The following YAP1 variants were observed in gnomAD, a reference collection of about 807,000 sequenced individuals.
YAP1 encodes the protein transcriptional coactivator YAP1.
In YAP1, 5 loss-of-function variants were observed where a neutral mutation model predicts 56.9. That is an observed-to-expected ratio of 0.09 (90% CI 0.05 to 0.18). The LOEUF is 0.18. YAP1 is among the 10% of genes least tolerant of loss of function. The probability of loss-of-function intolerance (pLI) is 1.00; values close to 1 mark genes in which losing one functional copy is unlikely to be tolerated. For synonymous variants in YAP1, 265 were observed against 248.1 expected (o/e 1.07, Z -0.64); for missense variants, 539 against 651.8 (o/e 0.83, Z 1.88).
chr11:102,138,729 T>G (rs1374650652), intron 2 of YAP1, among the ~76,000 whole-genome samples: 1 of 152,238 alleles, frequency 6.6e-6, no homozygotes, highest in African/African-American at 2.4e-5. Flanking sequence ...TTATTTGCTC[T>G]TCATTGAATG....
At position 102,162,555 on chromosome 11, in the gene YAP1, G is replaced by C; in HGVS notation, c.672G>C (p.Met224Ile). Residue 224 changes from methionine to isoleucine, a missense_variant, in exon 3 of 9, where the codon ATG becomes ATC. Met to Ile is a conservative substitution (Grantham distance 10, BLOSUM62 1). Around this residue, in one of 4 missense-constraint regions of YAP1, gnomAD observed 414 missense variants for 512.4 expected, o/e 0.81. Coordinates refer to ENST00000282441, the MANE Select transcript of YAP1 (RefSeq NM_001130145.3). Reference protein sequence around the residue: ...APTSPPVQQNMMNSASGPLPD... With the variant: ...APTSPPVQQNIMNSASGPLPD... ...CCAGTCCACCAGTGCAGCAGAATAT[G>C]ATGAACTCGGCTTCAGGTGAGTGAG... The C allele has an allele frequency of 6.2e-7, 1 of 1,614,186 alleles. No homozygotes were observed. Among genetic ancestry groups the C allele is most frequent in the Non-Finnish European group, 8.5e-7 (1 of 1,180,026 alleles).
chr11:102,149,906 T>C (rs545896910), intron 2 of YAP1, among the ~76,000 whole-genome samples: 10 of 150,062 alleles, frequency 6.7e-5, no homozygotes, highest in Non-Finnish European at 1.5e-4. Flanking sequence ...TATGAAGAAA[T>C]ATAGATTACT....
chr11:102,137,078 A>G (rs531315969), intron 2 of YAP1, among the ~76,000 whole-genome samples: 1 of 152,330 alleles, frequency 6.6e-6, no homozygotes, highest in East Asian at 1.9e-4. Flanking sequence ...TAAGTCTTCT[A>G]GTCTATGACA....
rs1207615072 is a variant in YAP1 at position 102,231,474 on chromosome 11, A to G, written c.*1534A>G. On this transcript the variant is annotated 3_prime_UTR_variant, in exon 9 of 9. Transcript: ENST00000282441. ...AGGTTTTGAGTTAGCTGGAAAAGTG[A>G]TCAGATTAATAAATGTATATTGGTA... is the stretch of plus-strand genomic sequence containing the variant. The G allele has an allele frequency of 6.6e-6, 1 of 152,620 alleles. No homozygotes were observed. 9.5% of individuals were successfully genotyped at this position (152,620 alleles called of 1,614,324 possible). A position where few individuals can be genotyped will look rare whatever the true frequency, so the allele number is the denominator to read the frequency against.
chr11:102,181,400 T>C (rs563426077), intron 3 of YAP1, among the ~76,000 whole-genome samples: 5 of 152,094 alleles, frequency 3.3e-5, no homozygotes, highest in South Asian at 2.1e-4. Context: ...GAGCCGAGAT[T>C]GCGCCACTGC....
chr11:102,197,337 G>A (rs1702662040), intron 4 of YAP1, among the ~76,000 whole-genome samples: 1 of 152,172 alleles, frequency 6.6e-6, no homozygotes, highest in Non-Finnish European at 1.5e-5. Context: ...TATTGTAAAT[G>A]TATACCCAGT....
chr11:102,207,313 A>C (rs983026540), intron 5 of YAP1, among the ~76,000 whole-genome samples: 11 of 151,906 alleles, frequency 7.2e-5, no homozygotes, highest in African/African-American at 2.7e-4. Context: ...TTCCAGAGAT[A>C]CTCTGTTTAC....
intron 7 of YAP1, 126 bp downstream of exon 7, chr11:102,223,878 C>T (rs1375211045): frequency 7.9e-7 from 1 of 1,265,962 alleles, no homozygotes; most frequent in Non-Finnish European, 1.1e-6. Flanking sequence ...GTAAATGAAT[C>T]TCTCTGTAAA....
intron 2 of YAP1, among the ~76,000 whole-genome samples, chr11:102,114,676 G>A (rs75688920): frequency 0.026 from 4,013 of 152,192 alleles, 171 homozygotes; most frequent in African/African-American, 0.092. Flanking sequence ...TTTTGAGCTT[G>A]TGCCAAACCT....
chr11:102,110,679 G>C lies in YAP1; in HGVS notation c.-170G>C. On this transcript the variant is annotated 5_prime_UTR_variant, in exon 1 of 9. Transcript: ENST00000282441. Reference sequence around the variant, plus strand: ...GCGCAGGGCGGGGGCGGAGGCGCCGGGGCGGGGGATGCGGGGCCGCGGCGC... The same window carrying C: ...GCGCAGGGCGGGGGCGGAGGCGCCGCGGCGGGGGATGCGGGGCCGCGGCGC... The C allele has an allele frequency of 2.2e-6, 1 of 460,662 alleles. No homozygotes were observed. The highest frequency in any genetic ancestry group is 3.1e-6 in the Non-Finnish European group (1 of 318,322). The allele number at this position is 460,662 out of a possible 1,614,324, so 28.5% of individuals were successfully genotyped here.
intron 4 of YAP1, among the ~76,000 whole-genome samples, chr11:102,199,984 A>C (rs1287014661): frequency 6.6e-6 from 1 of 152,220 alleles, no homozygotes; most frequent in Non-Finnish European, 1.5e-5. Flanking sequence ...TATAATAAAA[A>C]AGTTAGTTTC....
chr11:102,220,002 G>A (rs1236466126), intron 6 of YAP1, among the ~76,000 whole-genome samples: 1 of 151,788 alleles, frequency 6.6e-6, no homozygotes, highest in Admixed American at 6.5e-5. Context: ...CCAAAGTGCT[G>A]GGATTACAGG....
intron 4 of YAP1, among the ~76,000 whole-genome samples, chr11:102,200,723 G>T (rs1405706846): frequency 6.6e-6 from 1 of 152,132 alleles, no homozygotes; most frequent in Non-Finnish European, 1.5e-5. Context: ...GGGATTACAG[G>T]CATGAGCCAC....
chr11:102,225,029 A>G (rs1220289933), intron 7 of YAP1, among the ~76,000 whole-genome samples: 1 of 152,242 alleles, frequency 6.6e-6, no homozygotes, highest in African/African-American at 2.4e-5. Context: ...TTTTGATGAG[A>G]GCTGGGCTAC....
chr11:102,114,093 C>A, intron 1 of YAP1, 51 bp from the exon 2 acceptor site: 1 of 1,535,484 alleles, frequency 6.5e-7, no homozygotes, highest in Admixed American at 2.0e-5. Context: ...TTTAAAGGGA[C>A]TCAGTTGTGT....
chr11:102,132,758 C>A (rs977340849), intron 2 of YAP1, among the ~76,000 whole-genome samples: 1 of 152,228 alleles, frequency 6.6e-6, no homozygotes, highest in African/African-American at 2.4e-5. Context: ...TGAATATAAA[C>A]CGTTTACACA....
chr11:102,187,301 G>A (rs1481310014), intron 4 of YAP1, among the ~76,000 whole-genome samples: 1 of 152,156 alleles, frequency 6.6e-6, no homozygotes, highest in African/African-American at 2.4e-5. Context: ...GGGCAGTGAT[G>A]TCATTTTGAC....
At position 102,206,152 on chromosome 11, in the gene YAP1, A is replaced by G; in HGVS notation, c.984+78A>G. ...AAAGTTGGGCAGATTTCATTTTAAC[A>G]TTTATTAGTTACAGAGGAATGTTGT... On this transcript the variant is annotated intron_variant, in intron 5 of 8. Coordinates refer to ENST00000282441, the MANE Select transcript of YAP1 (RefSeq NM_001130145.3). 6 of 1,512,470 alleles carry G rather than the reference A, an allele frequency of 4.0e-6. No homozygotes were observed. In the South Asian group the frequency reaches 6.3e-5, roughly 16 times the overall value. 93.7% of individuals were successfully genotyped at this position (1,512,470 alleles called of 1,614,324 possible).
intron 2 of YAP1, among the ~76,000 whole-genome samples, chr11:102,145,705 T>G (rs973377664): frequency 2.0e-5 from 3 of 152,240 alleles, no homozygotes; most frequent in Non-Finnish European, 2.9e-5. Flanking sequence ...TAGTTTGAAC[T>G]GTTCAAAATC....
Sources: gnomAD v4.1 joint callset for allele counts (sites outside exome capture counted in the v4.1 genomes callset) on GRCh38, gnomAD v4.1.1 for gene constraint, gnomAD v4.1.1 regional missense constraint, MANE v1.5 for transcripts, NCBI Gene and HGNC (gene_info 2026-07-23, HGNC 2026-07-21) for gene names.